Variants in MEIS2 observed in about 807,000 individuals in gnomAD.
The protein encoded by MEIS2 is Meis homeobox 2.
MEIS2 carries 9 observed loss-of-function variants against 58.6 expected under a neutral mutation model. The observed-to-expected ratio is 0.15, with a 90% confidence interval of 0.09 to 0.27. MEIS2 has a LOEUF of 0.27. Among genes scored for constraint, MEIS2 ranks in the 10% least tolerant of loss-of-function variants. MEIS2 has a pLI of 1.00. For missense variants in MEIS2, 427 were observed against 635.0 expected (o/e 0.67, Z 3.52); for synonymous variants, 221 against 228.4 (o/e 0.97, Z 0.29).
At chr15:37,071,954 A>T (rs1195514180) in intron 7 of MEIS2, among the ~76,000 whole-genome samples, 1 of 152,076 alleles carries the variant, frequency 6.6e-6, no homozygotes, top group Non-Finnish European at 1.5e-5. Flanking sequence ...AACACATGGC[A>T]GGGAAAAAGA....
chr15:37,025,586 AG>A (rs1225357608), intron 8 of MEIS2, among the ~76,000 whole-genome samples: 1 of 152,086 alleles, frequency 6.6e-6, no homozygotes, highest in Non-Finnish European at 1.5e-5. Context: ...CCAACCACAG[AG>A]GTCCAACCAT....
intron 9 of MEIS2, among the ~76,000 whole-genome samples, chr15:36,910,416 A>T (rs1239052676): frequency 6.6e-6 from 1 of 152,118 alleles, no homozygotes; most frequent in Non-Finnish European, 1.5e-5. Context: ...CCTTTAATAG[A>T]GTGATATATA....
chr15:36,912,844 A>G (rs1359230299), intron 9 of MEIS2, among the ~76,000 whole-genome samples: 1 of 151,720 alleles, frequency 6.6e-6, no homozygotes, highest in East Asian at 1.9e-4. Flanking sequence ...AAAAAAAAAA[A>G]AAAGAAAAAA....
intron 9 of MEIS2, among the ~76,000 whole-genome samples, chr15:36,926,615 A>T (rs555931749): frequency 6.6e-6 from 1 of 152,232 alleles, no homozygotes; most frequent in East Asian, 1.9e-4. Flanking sequence ...AAATAACCCA[A>T]TTGCGGTTTG....
intron 9 of MEIS2, among the ~76,000 whole-genome samples, chr15:36,924,806 G>A (rs1048801425): frequency 1.7e-4 from 26 of 152,286 alleles, no homozygotes; most frequent in African/African-American, 5.8e-4. Context: ...GAAGTGGGGT[G>A]TCTCCGCAGC....
chr15:36,898,250 C>A (rs2056286049), intron 9 of MEIS2: 1 of 152,118 alleles, frequency 6.6e-6, no homozygotes, highest in Non-Finnish European at 1.5e-5. Context: ...CAGAAGCATC[C>A]CTCCTCCAAT....
At chr15:36,939,929 T>G (rs1347512950) in intron 9 of MEIS2, among the ~76,000 whole-genome samples, 1 of 152,206 alleles carries the variant, frequency 6.6e-6, no homozygotes, top group Non-Finnish European at 1.5e-5. Context: ...TATTGGCAAG[T>G]CTTTCATTAA....
intron 8 of MEIS2, among the ~76,000 whole-genome samples, chr15:36,979,117 A>G (rs1196900920): frequency 6.6e-6 from 1 of 152,190 alleles, no homozygotes; most frequent in East Asian, 1.9e-4. Flanking sequence ...TGATGCTACA[A>G]ATGAAAAATT....
At chr15:36,933,081 T>C (rs1413193130) in intron 9 of MEIS2, among the ~76,000 whole-genome samples, 1 of 152,066 alleles carries the variant, frequency 6.6e-6, no homozygotes, top group African/African-American at 2.4e-5. Flanking sequence ...GAACAGACTT[T>C]AGGGTCTGAT....
intron 8 of MEIS2, among the ~76,000 whole-genome samples, chr15:37,025,748 C>A (rs2061681051): frequency 7.1e-6 from 1 of 141,382 alleles, no homozygotes; most frequent in Admixed American, 7.0e-5. Context: ...GTCAAACTTG[C>A]TCTGCAAAAA....
rs918523609 is a variant in MEIS2 at position 36,920,133 on chromosome 15, T to C, written c.978-23447A>G. Reference sequence around the variant, plus strand: ...CCTATACTGCTTTTATTTATTTATTTATTTATTTATTTATTTATTTATTTA... The same window carrying C: ...CCTATACTGCTTTTATTTATTTATTCATTTATTTATTTATTTATTTATTTA... On this transcript the variant is annotated intron_variant, in intron 9 of 11. Transcript: ENST00000561208. Among the ~76,000 whole-genome samples the C allele has an allele frequency of 2.1e-4, 32 of 151,404 alleles. No individual in the cohort carries two copies. In the Middle Eastern group the frequency reaches 0.01, roughly 48 times the overall value.
At chr15:37,004,500 C>A (rs1250914438) in intron 8 of MEIS2, among the ~76,000 whole-genome samples, 1 of 152,204 alleles carries the variant, frequency 6.6e-6, no homozygotes, top group Non-Finnish European at 1.5e-5. Flanking sequence ...CATAGACTCA[C>A]AGAATAATAG....
intron 8 of MEIS2, among the ~76,000 whole-genome samples, chr15:36,984,291 G>A (rs2060024974): frequency 6.6e-6 from 1 of 151,594 alleles, no homozygotes; most frequent in African/African-American, 2.4e-5. Context: ...GTCATATATG[G>A]CCTTTATTAT....
chr15:37,096,158 C>T, intron 3 of MEIS2, 131 bp downstream of exon 3: 1 of 978,464 alleles, frequency 1.0e-6, no homozygotes. Flanking sequence ...GGGGAGGAGG[C>T]GTAGAGAGCG....
At position 37,027,965 on chromosome 15, in the gene MEIS2, T is replaced by C. The variant is rs553393981; in HGVS notation, c.900+8849A>G. 2.0e-4 allele frequency among the ~76,000 whole-genome samples: 30 copies of C among 152,282 alleles called. 1 individual carries two copies. Among genetic ancestry groups the C allele is most frequent in the Middle Eastern group, 3.4e-3 (1 of 294 alleles). ...TCATAATCACCCAGAGTCCATACTT[T>C]CCATTAGGGATCACTCTTGGTGTTG... On this transcript the variant is annotated intron_variant, in intron 8 of 11. Transcript: ENST00000561208.
At chr15:36,935,855 T>G (rs905818262) in intron 9 of MEIS2, among the ~76,000 whole-genome samples, 13 of 152,162 alleles carry the variant, frequency 8.5e-5, no homozygotes, top group African/African-American at 2.7e-4. Flanking sequence ...TTCCCACTTA[T>G]AATTTATTTT....
At chr15:36,920,853 C>T (rs2057478311) in intron 9 of MEIS2, among the ~76,000 whole-genome samples, 1 of 152,146 alleles carries the variant, frequency 6.6e-6, no homozygotes, top group Admixed American at 6.5e-5. Flanking sequence ...ACATCCTTTA[C>T]CTAGACTGGA....
chr15:36,896,752 G>A, intron 9 of MEIS2, 66 bp from the exon 10 acceptor site: 2 of 1,198,346 alleles, frequency 1.7e-6, no homozygotes, highest in Non-Finnish European at 2.5e-6. Flanking sequence ...ACCTTTGCAT[G>A]AATGCTGAGG....
intron 8 of MEIS2, among the ~76,000 whole-genome samples, chr15:37,017,363 G>C (rs1360351309): frequency 6.6e-6 from 1 of 152,132 alleles, no homozygotes; most frequent in Admixed American, 6.5e-5. Context: ...TGCACTTTGG[G>C]AGGCTGAAGT....
Sources: allele counts gnomAD v4.1 joint callset (sites outside exome capture counted in the v4.1 genomes callset), GRCh38; gene constraint gnomAD v4.1.1; transcripts MANE v1.5; gene names NCBI Gene and HGNC (gene_info 2026-07-23, HGNC 2026-07-21).